XKR6: variants seen among roughly 807,000 people sequenced by gnomAD.
XKR6 encodes XK related 6.
XKR6 carries 22 observed loss-of-function variants against 56.7 expected under a neutral mutation model. That is an observed-to-expected ratio of 0.39 (90% confidence interval 0.28 to 0.55). XKR6 has a LOEUF of 0.55. Among genes scored for constraint, XKR6 ranks in the 20% least tolerant of loss-of-function variants. The probability of loss-of-function intolerance (pLI) is 0.66; values close to 1 mark genes in which losing one functional copy is unlikely to be tolerated. For missense variants in XKR6, 852 were observed against 889.0 expected (o/e 0.96, Z 0.53); for synonymous variants, 524 against 387.8 (o/e 1.35, Z -4.13).
At chr8:11,097,697 CT>C (rs1241978598) in intron 1 of XKR6, among the ~76,000 whole-genome samples, 1 of 149,456 alleles carries the variant, frequency 6.7e-6, no homozygotes, top group Non-Finnish European at 1.5e-5. Context: ...GTCCCAGCTA[CT>C]TGGGAGGCTG....
intron 1 of XKR6, among the ~76,000 whole-genome samples, chr8:11,178,499 C>G (rs1279870935): frequency 6.8e-6 from 1 of 147,304 alleles, no homozygotes; most frequent in East Asian, 2.0e-4. Flanking sequence ...GGAGAAATCA[C>G]TAATAAAACC....
intron 1 of XKR6, among the ~76,000 whole-genome samples, chr8:11,079,785 C>A (rs956490776): frequency 6.6e-6 from 1 of 152,016 alleles, no homozygotes. Flanking sequence ...TATAAGGAGA[C>A]CCCTTGTCAT....
chr8:10,964,561 CT>C (rs1023477291), intron 1 of XKR6, among the ~76,000 whole-genome samples: 3 of 152,174 alleles, frequency 2.0e-5, no homozygotes, highest in Admixed American at 1.3e-4. Flanking sequence ...GCATCTCAAC[CT>C]TAATGGGGCA....
At chr8:11,057,090 C>T (rs1359811630) in intron 1 of XKR6, among the ~76,000 whole-genome samples, 1 of 152,220 alleles carries the variant, frequency 6.6e-6, no homozygotes, top group East Asian at 1.9e-4. Flanking sequence ...ACTCAAAAGC[C>T]GTTCTTGATG....
chr8:11,118,263 C>T (rs1392259981), intron 1 of XKR6, among the ~76,000 whole-genome samples: 1 of 151,996 alleles, frequency 6.6e-6, no homozygotes, highest in African/African-American at 2.4e-5. Flanking sequence ...AAAATGTTAC[C>T]TTTCTTTTCT....
At chr8:11,090,982 C>G (rs1046525465) in intron 1 of XKR6, among the ~76,000 whole-genome samples, 1 of 152,028 alleles carries the variant, frequency 6.6e-6, no homozygotes, top group Admixed American at 6.5e-5. Context: ...AAAAGAGGCA[C>G]AACTCGAGCC....
rs1316667088 is a variant in XKR6 at position 11,049,322 on chromosome 8, T to C, written c.765-124492A>G. 2.6e-5 allele frequency among the ~76,000 whole-genome samples: 4 copies of C among 152,322 alleles called. No homozygotes were observed. The South Asian group carries it at 6.2e-4, about 24-fold the overall frequency. ...CAAAACCTCTATCTGTTCCCCCTTTTCTCAGGACATGACCCGGCAGGAGGG... is the reference window on the plus strand; with the variant it reads ...CAAAACCTCTATCTGTTCCCCCTTTCCTCAGGACATGACCCGGCAGGAGGG... On this transcript the variant is annotated intron_variant, in intron 1 of 2. Transcript: ENST00000416569.
At chr8:11,165,874 G>A (rs564221513) in intron 1 of XKR6, among the ~76,000 whole-genome samples, 1 of 151,820 alleles carries the variant, frequency 6.6e-6, no homozygotes, top group East Asian at 1.9e-4. Context: ...GTTACATGAA[G>A]GAACCATAAG....
At chr8:11,086,147 TA>T (rs760573234) in intron 1 of XKR6, among the ~76,000 whole-genome samples, 8 of 112,714 alleles carry the variant, frequency 7.1e-5, no homozygotes, top group South Asian at 2.8e-4. Context: ...TATATATATA[TA>T]TTTTTTTTTA....
intron 1 of XKR6, among the ~76,000 whole-genome samples, chr8:11,055,078 T>A (rs1244253232): frequency 6.6e-6 from 1 of 152,164 alleles, no homozygotes; most frequent in Non-Finnish European, 1.5e-5. Context: ...TAAAAAATTA[T>A]TCCCGACACT....
intron 1 of XKR6, among the ~76,000 whole-genome samples, chr8:11,069,492 CCT>C (rs1800063901): frequency 6.6e-6 from 1 of 152,176 alleles, no homozygotes; most frequent in Non-Finnish European, 1.5e-5. Flanking sequence ...GGCTGTGCCC[CCT>C]GTCTGCTCTC....
At chr8:10,938,395 C>G (rs938661718) in intron 1 of XKR6, among the ~76,000 whole-genome samples, 3 of 152,232 alleles carry the variant, frequency 2.0e-5, no homozygotes, top group Non-Finnish European at 4.4e-5. Flanking sequence ...TAGAGCGGAG[C>G]TGTTCCTATT....
chr8:10,904,733 G>A (rs1356794680), intron 2 of XKR6, among the ~76,000 whole-genome samples: 1 of 152,164 alleles, frequency 6.6e-6, no homozygotes, highest in Non-Finnish European at 1.5e-5. Flanking sequence ...AGGAAACAAT[G>A]TCCAGAGCTC....
In XKR6 at chr8:11,075,181, A is replaced by C. The variant is rs149610961; in HGVS notation, c.764+125395T>G. ...GCCATGGCTTGAACTCTGGGGAAAA[A>C]AAGGGTGGTTGTCTACAAGGCGCCA... On this transcript the variant is annotated intron_variant, in intron 1 of 2. Coordinates refer to ENST00000416569, the MANE Select transcript of XKR6 (RefSeq NM_173683.4). 3.3e-5 allele frequency among the ~76,000 whole-genome samples: 5 copies of C among 152,256 alleles called. No individual in the cohort carries two copies. The East Asian group carries it at 9.6e-4, about 29-fold the overall frequency.
intron 1 of XKR6, among the ~76,000 whole-genome samples, chr8:11,167,761 TG>T (rs1009847448): frequency 6.6e-6 from 1 of 151,722 alleles, no homozygotes; most frequent in African/African-American, 2.4e-5. Context: ...CTGCAAAAAC[TG>T]GAAAAAGTAT....
intron 1 of XKR6, among the ~76,000 whole-genome samples, chr8:11,114,592 C>G (rs1022158445): frequency 6.6e-5 from 10 of 152,176 alleles, no homozygotes; most frequent in African/African-American, 2.4e-4. Flanking sequence ...AACTCCTGAC[C>G]TCAGATGATC....
intron 1 of XKR6, among the ~76,000 whole-genome samples, chr8:11,130,831 C>G (rs1800069864): frequency 6.6e-6 from 1 of 152,068 alleles, no homozygotes. Context: ...TCAACACAGA[C>G]CTTCAGGACT....
chr8:11,106,195 G>C (rs1248234756), intron 1 of XKR6: 1 of 152,136 alleles, frequency 6.6e-6, no homozygotes, highest in East Asian at 1.9e-4. Flanking sequence ...AGTCAATGAG[G>C]GTTCAATGCA....
At position 11,165,090 on chromosome 8, in the gene XKR6, C is replaced by CA. The variant is rs762270947; in HGVS notation, c.764+35485_764+35486insT. Among the ~76,000 whole-genome samples the CA allele has an allele frequency of 2.9e-3, 243 of 82,518 alleles. 2 individuals carry two copies. The highest frequency in any genetic ancestry group is 0.012 in the African/African-American group (232 of 19,344). 54.1% of individuals were successfully genotyped at this position (82,518 alleles called of 152,430 possible). On this transcript the variant is annotated intron_variant, in intron 1 of 2. Coordinates refer to ENST00000416569, the MANE Select transcript of XKR6 (RefSeq NM_173683.4). ...ACACAACCATTCCCTAGGCTATCACCTTTTTTTTTTTTTTTTTTTTTTTTT... is the reference window on the plus strand; with the variant it reads ...ACACAACCATTCCCTAGGCTATCACCATTTTTTTTTTTTTTTTTTTTTTTTT...
Sources: allele counts gnomAD v4.1 joint callset (sites outside exome capture counted in the v4.1 genomes callset), GRCh38; gene constraint gnomAD v4.1.1; transcripts MANE v1.5; gene names NCBI Gene and HGNC (gene_info 2026-07-23, HGNC 2026-07-21).